Variants in ANKS1B observed in about 807,000 individuals in gnomAD.
ANKS1B encodes the protein ankyrin repeat and sterile alpha motif domain containing 1B, also known as ankyrin repeat and sterile alpha motif domain-containing protein 1B.
ANKS1B carries 36 observed loss-of-function variants against 148.3 expected under a neutral mutation model. That is an observed-to-expected ratio of 0.24 (90% CI 0.19 to 0.32). The LOEUF is 0.32. Among genes scored for constraint, ANKS1B ranks in the 10% least tolerant of loss-of-function variants. The pLI, the probability that ANKS1B is intolerant of heterozygous loss-of-function variation, is 1.00. For missense variants in ANKS1B, 1,157 were observed against 1,542.6 expected, an observed-to-expected ratio of 0.75 and a Z score of 4.19; for synonymous variants, 542 against 560.8, an observed-to-expected ratio of 0.97 and a Z score of 0.47.
intron 12 of ANKS1B, among the ~76,000 whole-genome samples, chr12:99,375,220 T>C (rs375292302): frequency 6.6e-6 from 1 of 152,202 alleles, no homozygotes. Context: ...CTGTACATTG[T>C]AGGATGTTTT....
intron 17 of ANKS1B, among the ~76,000 whole-genome samples, chr12:98,845,128 G>T: frequency 6.6e-6 from 1 of 152,150 alleles, no homozygotes; most frequent in Non-Finnish European, 1.5e-5. Flanking sequence ...GGGAGGGAAT[G>T]AACCCATTTA....
At chr12:98,887,468 C>A (rs1298377261) in intron 17 of ANKS1B, among the ~76,000 whole-genome samples, 1 of 152,114 alleles carries the variant, frequency 6.6e-6, no homozygotes, top group Admixed American at 6.5e-5. Context: ...TTGATCCACT[C>A]CTGATCAAAC....
chr12:99,328,633 A>C (rs1352373271), intron 12 of ANKS1B, among the ~76,000 whole-genome samples: 6 of 151,962 alleles, frequency 3.9e-5, no homozygotes, highest in Admixed American at 3.9e-4. Flanking sequence ...ATTTCATCCC[A>C]AAAAAGCCCT....
chr12:99,526,021 G>A (rs1000284077), intron 9 of ANKS1B, among the ~76,000 whole-genome samples: 1 of 151,928 alleles, frequency 6.6e-6, no homozygotes, highest in Non-Finnish European at 1.5e-5. Flanking sequence ...AAGATTACAG[G>A]CAGTTGTAAA....
chr12:99,434,918 C>G (rs1353818331), intron 11 of ANKS1B, among the ~76,000 whole-genome samples: 1 of 151,940 alleles, frequency 6.6e-6, no homozygotes, highest in Non-Finnish European at 1.5e-5. Context: ...TACAGTCTTG[C>G]TATTACTGGC....
chr12:99,873,801 A>G (rs1203543114), intron 1 of ANKS1B, among the ~76,000 whole-genome samples: 2 of 152,114 alleles, frequency 1.3e-5, no homozygotes, highest in Admixed American at 1.3e-4. Flanking sequence ...TGCCCTCTGC[A>G]ATCTAGGTAG....
intron 17 of ANKS1B, among the ~76,000 whole-genome samples, chr12:98,957,311 A>ATATTTATTTATT (rs71782750): frequency 3.7e-4 from 53 of 143,966 alleles, no homozygotes; most frequent in East Asian, 8.2e-4. Context: ...TTTTTTTTAA[A>ATATTTATTTATT]TATTTATTTA....
chr12:99,443,186 T>C (rs1324524666), intron 11 of ANKS1B, among the ~76,000 whole-genome samples: 2 of 151,826 alleles, frequency 1.3e-5, no homozygotes, highest in African/African-American at 4.8e-5. Flanking sequence ...CTGGGAACAC[T>C]GGAGGAAAAC....
At chr12:99,563,977 T>C (rs913633610) in intron 9 of ANKS1B, among the ~76,000 whole-genome samples, 55 of 152,310 alleles carry the variant, frequency 3.6e-4, no homozygotes, top group African/African-American at 1.3e-3. Flanking sequence ...CTAGATATAG[T>C]TAATGATATG....
At chr12:99,144,949 C>T (rs995482862) in intron 15 of ANKS1B, among the ~76,000 whole-genome samples, 1 of 152,080 alleles carries the variant, frequency 6.6e-6, no homozygotes, top group Non-Finnish European at 1.5e-5. Context: ...TCTCTTGTTT[C>T]AGCCACCTAG....
At chr12:99,432,239 C>T (rs898838773) in intron 11 of ANKS1B, among the ~76,000 whole-genome samples, 4 of 152,088 alleles carry the variant, frequency 2.6e-5, no homozygotes, top group African/African-American at 7.2e-5. Context: ...AATGGAACTC[C>T]CAACCTCAGG....
At chr12:99,895,357 GTCCCATGTGGCGAAATC>G (rs1343220598) in intron 1 of ANKS1B, among the ~76,000 whole-genome samples, 2 of 150,254 alleles carry the variant, frequency 1.3e-5, no homozygotes, top group Admixed American at 6.7e-5. Flanking sequence ...AGGCTGAGAA[GTCCCATGTGGCGAAATC>G]TCCACAAACA....
intron 9 of ANKS1B, among the ~76,000 whole-genome samples, chr12:99,561,078 C>T (rs2097331572): frequency 6.6e-6 from 1 of 152,000 alleles, no homozygotes. Flanking sequence ...AATCTCCTGA[C>T]CTTGTGATCC....
chr12:98,848,869 G>C (rs2099503496), intron 17 of ANKS1B, among the ~76,000 whole-genome samples: 1 of 151,088 alleles, frequency 6.6e-6, no homozygotes. Flanking sequence ...CTCCCAAGTA[G>C]CTGGGATTAT....
chr12:99,836,359 T>A (rs913697911), intron 1 of ANKS1B, among the ~76,000 whole-genome samples: 2 of 151,984 alleles, frequency 1.3e-5, no homozygotes, highest in African/African-American at 4.8e-5. Flanking sequence ...TAGTATACAG[T>A]CATATCCTAG....
chr12:99,115,100 G>A (rs2061079592), intron 15 of ANKS1B, among the ~76,000 whole-genome samples: 1 of 152,172 alleles, frequency 6.6e-6, no homozygotes, highest in African/African-American at 2.4e-5. Flanking sequence ...ACTACCATTT[G>A]ACTCAGCAAT....
At chr12:99,434,645 A>G (rs1012204636) in intron 11 of ANKS1B, among the ~76,000 whole-genome samples, 4 of 152,120 alleles carry the variant, frequency 2.6e-5, no homozygotes, top group African/African-American at 9.7e-5. Context: ...TGTCTATTTA[A>G]TCAATATTTC....
chr12:99,618,860 A>G (rs935626551), intron 9 of ANKS1B, among the ~76,000 whole-genome samples: 16 of 152,154 alleles, frequency 1.1e-4, no homozygotes, highest in Non-Finnish European at 5.9e-5. Context: ...TTTTAGTCTC[A>G]GGCCGGAGAT....
At chr12:98,963,819 G>A (rs2099875530) in intron 17 of ANKS1B, among the ~76,000 whole-genome samples, 1 of 152,144 alleles carries the variant, frequency 6.6e-6, no homozygotes, top group African/African-American at 2.4e-5. Context: ...AAAAATCTAG[G>A]CCAGGCGTGG....
Sources: allele counts gnomAD v4.1 joint callset (sites outside exome capture counted in the v4.1 genomes callset), GRCh38; gene constraint gnomAD v4.1.1; transcripts MANE v1.5; gene names NCBI Gene and HGNC (gene_info 2026-07-23, HGNC 2026-07-21).